Variants in ITIH3 observed in about 807,000 individuals in gnomAD.
ITIH3 encodes inter-alpha-trypsin inhibitor heavy chain 3, also known as inter-alpha-trypsin inhibitor heavy chain H3.
ITIH3 carries 81 observed loss-of-function variants against 96.5 expected under a neutral mutation model. The observed-to-expected ratio is 0.84, with a 90% confidence interval of 0.70 to 1.01. ITIH3 has a LOEUF of 1.01. Ranked by LOEUF, ITIH3 falls within the 50% of genes least tolerant of loss-of-function variation. The pLI is 0.00. For missense variants in ITIH3, 1,057 were observed against 1,139.3 expected, an observed-to-expected ratio of 0.93 and a Z score of 1.04; for synonymous variants, 422 against 445.2, an observed-to-expected ratio of 0.95 and a Z score of 0.66.
rs6784557 is a variant in ITIH3 at position 52,795,620 on chromosome 3, A to G, written c.111A>G (p.Glu37=). The change falls in exon 2 of 22, where the codon GAA becomes GAG. Residue 37 remains glutamate, a synonymous_variant. Coordinates refer to ENST00000449956, the MANE Select transcript of ITIH3 (RefSeq NM_002217.4). ...FRLLGKRSLP[E]GVANGIEVYS... Reference sequence around the variant, plus strand: ...TTTTTCAGAAACGGAGCCTCCCGGAAGGGGTAAGAACTTTCACCAGGGGGT... The same window carrying G: ...TTTTTCAGAAACGGAGCCTCCCGGAGGGGGTAAGAACTTTCACCAGGGGGT... 6.3e-4 allele frequency: 1,011 copies of G among 1,612,400 alleles called. 2 individuals carry two copies. In the African/African-American group the frequency reaches 0.011, roughly 17 times the overall value.
rs760324051 is a variant in ITIH3, at chr3:52,801,112, T to C, written c.1349T>C (p.Ile450Thr). The C allele has an allele frequency of 8.1e-6, 13 of 1,596,424 alleles. No individual in the cohort carries two copies. The highest frequency in any genetic ancestry group is 1.1e-5 in the Non-Finnish European group (13 of 1,171,526). Reference sequence around the variant, plus strand: ...GAGAACCATGGGTTTGCCCGGCGCATTTATGAGGACTCTGATGCCGATTTG... The same window carrying C: ...GAGAACCATGGGTTTGCCCGGCGCACTTATGAGGACTCTGATGCCGATTTG... Reference protein sequence around the residue: ...ALENHGFARRIYEDSDADLQL... With the variant: ...ALENHGFARRTYEDSDADLQL... The change falls in exon 11 of 22, where the codon ATT becomes ACT. Residue 450 changes from isoleucine (I) to threonine (T), a missense_variant. Coordinates refer to ENST00000449956, the MANE Select transcript of ITIH3 (RefSeq NM_002217.4).
chr3:52,808,235 T>G lies in ITIH3; in HGVS notation c.2543+14T>G, dbSNP rs775797097. On this transcript the variant is annotated intron_variant, in intron 21 of 21. Coordinates refer to ENST00000449956, the MANE Select transcript of ITIH3 (RefSeq NM_002217.4). Reference sequence around the variant, plus strand: ...GATTGTCACCAGGTGAGGAGACTTCTCCCACACCCTCACCTGCTCAGCAAC... The same window carrying G: ...GATTGTCACCAGGTGAGGAGACTTCGCCCACACCCTCACCTGCTCAGCAAC... The G allele has an allele frequency of 2.5e-6, 4 of 1,587,688 alleles. No individual in the cohort carries two copies. Among genetic ancestry groups the G allele is most frequent in the African/African-American group, 1.3e-5 (1 of 74,462 alleles).
At chr3:52,804,389 C>A in intron 14 of ITIH3, 1 of 434,916 alleles carries the variant, frequency 2.3e-6, no homozygotes. Flanking sequence ...GGAAGAGTCC[C>A]TGAGAGCTGG....
intron 15 of ITIH3, chr3:52,804,965 A>G: frequency 1.7e-6 from 1 of 590,674 alleles, no homozygotes. Context: ...AATCAGTATG[A>G]CAGTATCTAT....
In ITIH3 at chr3:52,806,382, C is replaced by G; in HGVS notation, c.2032C>G (p.Arg678Gly). Reference protein sequence around the residue: ...NIDEAPGTVLRLIQDAVTGLT... With the variant: ...NIDEAPGTVLGLIQDAVTGLT... ...CGATGAAGCCCCAGGCACAGTGCTG[C>G]GCCTTATTCAGGATGCAGTCACAGG... Residue 678 changes from arginine to glycine, a missense_variant, in exon 18 of 22, where the codon CGC becomes GGC. Transcript: ENST00000449956. 1 of 1,613,568 alleles carries G rather than the reference C, an allele frequency of 6.2e-7. No homozygotes were observed. Among genetic ancestry groups the G allele is most frequent in the Non-Finnish European group, 8.5e-7 (1 of 1,179,624 alleles).
chr3:52,799,625 G>A (rs778642573), intron 8 of ITIH3, 128 bp from the exon 9 acceptor site: 86 of 1,129,774 alleles, frequency 7.6e-5, no homozygotes, highest in Non-Finnish European at 1.0e-4. Context: ...CACGGCCTCT[G>A]CCCGCTTCTG....
Position 52,800,591 on chromosome 3 carries a change from C to A in ITIH3, c.1129C>A (p.Arg377=). Reference sequence around the variant, plus strand: ...GGGCATCAGTATGCTGAACAAGGCCCGAGAGGAGCACAGAATCCCAGAGAG... The same window carrying A: ...GGGCATCAGTATGCTGAACAAGGCCAGAGAGGAGCACAGAATCCCAGAGAG... The part of the protein sequence containing the change: ...LRGISMLNKA[R]EEHRIPERST... Residue 377 remains arginine (R), a synonymous_variant, in exon 10 of 22, where the codon CGA becomes AGA. Coordinates refer to ENST00000449956, the MANE Select transcript of ITIH3 (RefSeq NM_002217.4). 6.4e-7 allele frequency: 1 copy of A among 1,571,140 alleles called. No individual in the cohort carries two copies. Among genetic ancestry groups the A allele is most frequent in the Non-Finnish European group, 8.6e-7 (1 of 1,157,988 alleles).
chr3:52,802,930 G>C, intron 13 of ITIH3, 124 bp downstream of exon 13: 1 of 1,189,332 alleles, frequency 8.4e-7, no homozygotes, highest in East Asian at 2.6e-5. Flanking sequence ...TGTCTGTAGA[G>C]CAGTCTGTAA....
Position 52,799,352 on chromosome 3 carries a change from T to G in ITIH3, c.790-20T>G, listed in dbSNP as rs1413476528. On this transcript the variant is annotated intron_variant, in intron 7 of 21. Transcript: ENST00000449956. Reference sequence around the variant, plus strand: ...GTTGCTAAAAGGACACCGGCCTCCGTCCCTCTCCCCACTTTCCAGATAGTC... The same window carrying G: ...GTTGCTAAAAGGACACCGGCCTCCGGCCCTCTCCCCACTTTCCAGATAGTC... 6.4e-7 allele frequency: 1 copy of G among 1,551,672 alleles called. No homozygotes were observed. Among genetic ancestry groups the G allele is most frequent in the African/African-American group, 1.4e-5 (1 of 72,790 alleles).
At chr3:52,802,145 C>T (rs553731129) in intron 11 of ITIH3, 189 bp from the exon 12 acceptor site, 38 of 546,244 alleles carry the variant, frequency 7.0e-5, no homozygotes, top group African/African-American at 1.3e-4. Context: ...TAGTCTTCCT[C>T]GTGTCTATCT....
chr3:52,800,799 G>A, intron 10 of ITIH3, 136 bp downstream of exon 10: 1 of 1,465,832 alleles, frequency 6.8e-7, no homozygotes, highest in Non-Finnish European at 9.3e-7. Context: ...CTCAAGGGCA[G>A]GGTCCTGCCT....
chr3:52,807,671 C>A, intron 19 of ITIH3, 76 bp from the exon 20 acceptor site: 1 of 1,474,138 alleles, frequency 6.8e-7, no homozygotes, highest in Non-Finnish European at 9.2e-7. Flanking sequence ...GGAGGCCCCA[C>A]CAAAACGCCC....
Position 52,798,813 on chromosome 3 carries a change from G to C in ITIH3, c.664-153G>C, listed in dbSNP as rs897630961. ...CTGCAGAGCACGCCACCGGCGGGCA[G>C]GGCTGCCCAGGCCTCCAGCTCTTGC... On this transcript the variant is annotated intron_variant, in intron 6 of 21. Transcript: ENST00000449956. The C allele has an allele frequency of 8.0e-6, 7 of 879,626 alleles. No individual in the cohort carries two copies. In the African/African-American group the frequency reaches 8.4e-5, roughly 11 times the overall value. 54.5% of individuals were successfully genotyped at this position (879,626 alleles called of 1,614,324 possible).
chr3:52,806,098 T>G lies in ITIH3; in HGVS notation c.1907-5T>G, dbSNP rs1700032735. 6.3e-7 allele frequency: 1 copy of G among 1,597,874 alleles called. No homozygotes were observed. Among genetic ancestry groups the G allele is most frequent in the African/African-American group, 1.3e-5 (1 of 74,452 alleles). ...GCTCAGCCCTCTCTCCCTTTGTATC[T>G]GCAGCCAGCTACCAGCCTCCTCAAA... On this transcript the variant is annotated splice_region_variant and splice_polypyrimidine_tract_variant and intron_variant, in intron 16 of 21. Coordinates refer to ENST00000449956, the MANE Select transcript of ITIH3 (RefSeq NM_002217.4).
At chr3:52,804,447 G>C in intron 14 of ITIH3, 1 of 479,430 alleles carries the variant, frequency 2.1e-6, no homozygotes, top group East Asian at 3.7e-5. Context: ...ACTCAACAGG[G>C]GGTCCCAAAT....
At chr3:52,804,057 C>T (rs768140988) in intron 14 of ITIH3, 48 bp downstream of exon 14, 1 of 1,581,056 alleles carries the variant, frequency 6.3e-7, no homozygotes, top group Middle Eastern at 1.7e-4. Context: ...CTGTGCTGGG[C>T]ACCCTACCTG....
chr3:52,799,263 A>T, intron 7 of ITIH3, 109 bp from the exon 8 acceptor site: 2 of 1,153,224 alleles, frequency 1.7e-6, no homozygotes, highest in Non-Finnish European at 1.2e-6. Flanking sequence ...AGGGTGGGAT[A>T]GGAACGTCTT....
In ITIH3 at chr3:52,799,703, G is replaced by A. The variant is rs762780546; in HGVS notation, c.907-50G>A. On this transcript the variant is annotated intron_variant, in intron 8 of 21. Coordinates refer to ENST00000449956, the MANE Select transcript of ITIH3 (RefSeq NM_002217.4). ...CTGCACCGCCTGCTGAGCTGAGAAG[G>A]GACCTCACTCTCTGCTGCGGCTTCT... 1.0e-5 allele frequency: 16 copies of A among 1,543,622 alleles called. 1 individual carries two copies. In the South Asian group the frequency reaches 1.7e-4, roughly 16 times the overall value.
At chr3:52,797,290 C>A in intron 5 of ITIH3, 23 bp downstream of exon 5, 1 of 1,585,062 alleles carries the variant, frequency 6.3e-7, no homozygotes, top group East Asian at 2.3e-5. Flanking sequence ...CCCTGCAGAC[C>A]TGGGGGGACG....
Sources: allele counts gnomAD v4.1 joint callset, GRCh38; gene constraint gnomAD v4.1.1; transcripts MANE v1.5; gene names NCBI Gene and HGNC (gene_info 2026-07-23, HGNC 2026-07-21).